The following SLC44A1 variants were observed in gnomAD, a reference collection of about 807,000 sequenced individuals.
SLC44A1 encodes solute carrier family 44 member 1.
SLC44A1 carries 26 observed loss-of-function variants against 79.3 expected under a neutral mutation model. The ratio of observed to expected loss-of-function variants is 0.33; its 90% CI spans 0.24 to 0.46. The LOEUF is 0.46. SLC44A1 is among the 20% of genes least tolerant of loss of function. SLC44A1 has a pLI of 1.00. For synonymous variants in SLC44A1, 263 were observed against 286.2 expected, an observed-to-expected ratio of 0.92 and a Z score of 0.82; for missense variants, 688 against 798.1, an observed-to-expected ratio of 0.86 and a Z score of 1.66.
intron 15 of SLC44A1, chr9:105,386,157 T>C: frequency 1.4e-5 from 14 of 978,766 alleles, no homozygotes; most frequent in Non-Finnish European, 1.7e-5. Flanking sequence ...ATTATATATG[T>C]ATATGTACAC....
intron 12 of SLC44A1, among the ~76,000 whole-genome samples, chr9:105,367,141 T>A (rs1827966461): frequency 6.6e-6 from 1 of 152,152 alleles, no homozygotes; most frequent in Non-Finnish European, 1.5e-5. Context: ...TTTTCTTTAT[T>A]TTTTTAAGTT....
chr9:105,395,934 C>A lies in SLC44A1; in HGVS notation c.*6878C>A, dbSNP rs1828867590. On this transcript the variant is annotated 3_prime_UTR_variant, in exon 16 of 16. Transcript: ENST00000374720. The stretch of plus-strand genomic sequence containing the variant: ...TTTTTGTAAATTGTATTAGATACCC[C>A]ACAGGAATGTGACAATAATAGGATA... The A allele has an allele frequency of 1.0e-6, 1 of 983,802 alleles. No homozygotes were observed. The highest frequency in any genetic ancestry group is 1.2e-6 in the Non-Finnish European group (1 of 829,480). 60.9% of individuals were successfully genotyped at this position (983,802 alleles called of 1,614,324 possible). A position where few individuals can be genotyped will look rare whatever the true frequency, so the allele number is the denominator to read the frequency against.
chr9:105,371,335 T>G (rs1828091714), intron 12 of SLC44A1, among the ~76,000 whole-genome samples: 1 of 152,240 alleles, frequency 6.6e-6, no homozygotes, highest in African/African-American at 2.4e-5. Context: ...ATACAGGATC[T>G]TTCACGACGG....
intron 7 of SLC44A1, among the ~76,000 whole-genome samples, chr9:105,358,960 C>T (rs1475238626): frequency 6.6e-6 from 1 of 152,016 alleles, no homozygotes; most frequent in East Asian, 1.9e-4. Context: ...TGAGTTCTTC[C>T]CTGCCTCCCT....
intron 1 of SLC44A1, among the ~76,000 whole-genome samples, chr9:105,264,053 G>A (rs73510243): frequency 5.9e-5 from 9 of 152,214 alleles, no homozygotes; most frequent in African/African-American, 2.2e-4. Flanking sequence ...GATAAAGATT[G>A]AGCTGTCTTC....
intron 15 of SLC44A1, among the ~76,000 whole-genome samples, chr9:105,418,310 G>A (rs1247829866): frequency 2.8e-4 from 28 of 101,736 alleles, no homozygotes; most frequent in Admixed American, 2.6e-3. Flanking sequence ...GCAAAACTCC[G>A]TCTCAAAAAA....
chr9:105,262,709 A>G (rs1008868930), intron 1 of SLC44A1, among the ~76,000 whole-genome samples: 2 of 152,154 alleles, frequency 1.3e-5, no homozygotes, highest in Non-Finnish European at 2.9e-5. Context: ...TGACCTGTTT[A>G]GTGTTCCATG....
Position 105,395,834 on chromosome 9 carries a change from T to C in SLC44A1, c.*6778T>C. ...CAGATAGAATGGGTTCCATGGATCATTCTAGTTGCCACTAGAAAATGTGAG... is the reference window on the plus strand; with the variant it reads ...CAGATAGAATGGGTTCCATGGATCACTCTAGTTGCCACTAGAAAATGTGAG... On this transcript the variant is annotated 3_prime_UTR_variant, in exon 16 of 16. Transcript: ENST00000374720. 1 of 984,620 alleles carries C rather than the reference T, an allele frequency of 1.0e-6. No individual in the cohort carries two copies. The highest frequency in any genetic ancestry group is 1.2e-6 in the Non-Finnish European group (1 of 829,554). The allele number at this position is 984,620 out of a possible 1,614,324, so 61.0% of individuals were successfully genotyped here.
chr9:105,319,859 A>G (rs1166420163), intron 3 of SLC44A1, among the ~76,000 whole-genome samples: 1 of 152,210 alleles, frequency 6.6e-6, no homozygotes, highest in Non-Finnish European at 1.5e-5. Flanking sequence ...AAAATATTTC[A>G]TTGTTATAGT....
chr9:105,424,557 C>G (rs1296631706), intron 15 of SLC44A1, among the ~76,000 whole-genome samples: 1 of 152,196 alleles, frequency 6.6e-6, no homozygotes, highest in African/African-American at 2.4e-5. Flanking sequence ...AACTAACTTT[C>G]TCAGTCCCAT....
intron 8 of SLC44A1, among the ~76,000 whole-genome samples, chr9:105,362,117 A>C (rs1363480110): frequency 6.6e-6 from 1 of 152,192 alleles, no homozygotes; most frequent in Non-Finnish European, 1.5e-5. Context: ...GGTATTAAGC[A>C]ATAAAATTAC....
At chr9:105,349,852 G>A (rs1827351528) in intron 5 of SLC44A1, among the ~76,000 whole-genome samples, 1 of 152,134 alleles carries the variant, frequency 6.6e-6, no homozygotes, top group African/African-American at 2.4e-5. Flanking sequence ...TGTAATAGGG[G>A]CAGGATGTCA....
At chr9:105,294,214 A>G (rs1473118732) in intron 1 of SLC44A1, among the ~76,000 whole-genome samples, 2 of 152,232 alleles carry the variant, frequency 1.3e-5, no homozygotes, top group Non-Finnish European at 2.9e-5. Context: ...TTAAACATTA[A>G]AAAACCTTTT....
At chr9:105,339,340 G>A (rs1253490678) in intron 4 of SLC44A1, among the ~76,000 whole-genome samples, 1 of 152,152 alleles carries the variant, frequency 6.6e-6, no homozygotes, top group South Asian at 2.1e-4. Context: ...ATGGAAAATA[G>A]TATGGAGGTT....
At chr9:105,365,748 A>C (rs971703371) in intron 11 of SLC44A1, 109 bp downstream of exon 11, 1 of 1,152,288 alleles carries the variant, frequency 8.7e-7, no homozygotes, top group Non-Finnish European at 1.2e-6. Flanking sequence ...TTTTCTTCAA[A>C]GTCTTTACAA....
chr9:105,365,643 A>AG lies in SLC44A1; in HGVS notation c.1410+8dup. 1 of 1,612,824 alleles carries AG rather than the reference A, an allele frequency of 6.2e-7. No individual in the cohort carries two copies. The highest frequency in any genetic ancestry group is 8.5e-7 in the Non-Finnish European group (1 of 1,178,994). On this transcript the variant is annotated splice_donor_region_variant and intron_variant, in intron 11 of 15. Coordinates refer to ENST00000374720, the MANE Select transcript of SLC44A1 (RefSeq NM_080546.5). ...TCACAGTCAGCTCAAAGGAAAGGTA[A>AG]GGGGAAAATGCATTTCTGTACTTTC... is the stretch of plus-strand genomic sequence containing the variant.
At chr9:105,384,473 G>A (rs1198563260) in intron 14 of SLC44A1, among the ~76,000 whole-genome samples, 1 of 152,104 alleles carries the variant, frequency 6.6e-6, no homozygotes, top group African/African-American at 2.4e-5. Flanking sequence ...GAGCCTCCAT[G>A]CCCAGCCTAG....
At chr9:105,309,524 G>A (rs183777297) in intron 2 of SLC44A1, among the ~76,000 whole-genome samples, 200 bp from the exon 3 acceptor site, 38 of 152,270 alleles carry the variant, frequency 2.5e-4, no homozygotes, top group African/African-American at 8.2e-4. Context: ...TTTTGTTATG[G>A]TAGTAAATAG....
chr9:105,366,575 A>G (rs962537424), intron 12 of SLC44A1, 146 bp downstream of exon 12: 2 of 410,470 alleles, frequency 4.9e-6, no homozygotes, highest in Non-Finnish European at 8.5e-6. Flanking sequence ...TATTTCAATC[A>G]TATTCTTATT....
Sources: gnomAD v4.1 joint callset for allele counts (sites outside exome capture counted in the v4.1 genomes callset) on GRCh38, gnomAD v4.1.1 for gene constraint, MANE v1.5 for transcripts, NCBI Gene and HGNC (gene_info 2026-07-23, HGNC 2026-07-21) for gene names.